PKD1L1: variants seen among roughly 807,000 people sequenced by gnomAD.
PKD1L1 encodes polycystin 1 like 1, transient receptor potential channel interacting.
A neutral mutation model predicts 323.4 loss-of-function variants in PKD1L1; 236 were observed. The observed-to-expected ratio is 0.73, with a 90% CI of 0.66 to 0.81. The LOEUF (loss-of-function observed/expected upper bound fraction) is 0.81. Ranked by LOEUF, PKD1L1 falls within the 40% of genes least tolerant of loss-of-function variation. The pLI is 0.00. For synonymous variants in PKD1L1, 1,344 were observed against 1,335.0 expected (o/e 1.01, Z -0.15); for missense variants, 3,320 against 3,508.0 (o/e 0.95, Z 1.35).
chr7:47,953,941 C>T, the PKD1L1 span, among the ~76,000 whole-genome samples: 2 of 152,216 alleles, frequency 1.3e-5, no homozygotes, highest in Non-Finnish European at 2.9e-5. Flanking sequence ...AGGGGAGGAT[C>T]CTCCCCCAGA....
chr7:47,944,065 G>T (rs907686523), intron 1 of PKD1L1, among the ~76,000 whole-genome samples: 2 of 152,210 alleles, frequency 1.3e-5, no homozygotes, highest in African/African-American at 4.8e-5. Flanking sequence ...GACTTGAGAG[G>T]TTCCGTGCAG....
In PKD1L1 at chr7:47,905,958, A is replaced by G. The variant is rs772126129; in HGVS notation, c.1407T>C (p.Thr469=). 2.5e-6 allele frequency: 4 copies of G among 1,593,142 alleles called. No individual in the cohort carries two copies. The highest frequency in any genetic ancestry group is 3.4e-6 in the Non-Finnish European group (4 of 1,173,434). Residue 469 remains threonine (T), a synonymous_variant, in exon 10 of 57, where the codon ACT becomes ACC. Coordinates refer to ENST00000289672, the MANE Select transcript of PKD1L1 (RefSeq NM_138295.5). ...TAGATGGAAAGTGATGTATAACCAC[A>G]GTGCCTAAAATGAGAAAAAAAGGAG... ...FADSQVNQKS[T]VVIHHFPSIP... is the part of the protein sequence containing the mutation.
chr7:47,815,592 T>C (rs1015569082), intron 46 of PKD1L1, 135 bp from the exon 47 acceptor site: 1 of 1,033,616 alleles, frequency 9.7e-7, no homozygotes, highest in South Asian at 1.6e-5. Context: ...AAACTCAAGC[T>C]GCTTGCAGCG....
Position 47,830,068 on chromosome 7 carries a change from C to T in PKD1L1, c.6530G>A (p.Cys2177Tyr). ...AAGTGGCTGGGTGATGAAAATACAG[C>T]AGACCACGGAGAGGGACAGCAGGTG... ...WLHLLSLSVV[C>Y]CIFITQPLMV... Residue 2177 changes from cysteine to tyrosine, a missense_variant, in exon 43 of 57, where the codon TGC (cysteine) becomes TAC (tyrosine). Transcript: ENST00000289672. 6.2e-7 allele frequency: 1 copy of T among 1,614,204 alleles called. No individual in the cohort carries two copies. The highest frequency in any genetic ancestry group is 8.5e-7 in the Non-Finnish European group (1 of 1,180,042).
In PKD1L1 at chr7:47,804,750, G is replaced by A. The variant is rs191736594; in HGVS notation, c.7828-1406C>T. Among the ~76,000 whole-genome samples, 25 of 152,248 alleles carry A rather than the reference G, an allele frequency of 1.6e-4. No homozygotes were observed. In the East Asian group the frequency reaches 3.9e-3, roughly 23 times the overall value. On this transcript the variant is annotated intron_variant, in intron 52 of 56. Transcript: ENST00000289672. ...TCTGTCAGCCTTGGCCTCCCAAAAT[G>A]CTAGGATTATAGGCGTGAGCCACCA...
intron 34 of PKD1L1, among the ~76,000 whole-genome samples, chr7:47,841,418 T>C (rs1183145075): frequency 6.6e-6 from 1 of 152,208 alleles, no homozygotes; most frequent in East Asian, 1.9e-4. Flanking sequence ...GGCCCCTGCC[T>C]TGTTCTTCTC....
At position 47,932,050 on chromosome 7, in the gene PKD1L1, G is replaced by T; in HGVS notation, c.405C>A (p.Pro135=). The change falls in exon 5 of 57, where the codon CCC becomes CCA. Residue 135 remains proline, a synonymous_variant. Transcript: ENST00000289672. Reference sequence around the variant, plus strand: ...TTGCGATTATAATGAAAGGTTTGTGGGGAATTCTGTATGGGAAGGAAAGTG... The same window carrying T: ...TTGCGATTATAATGAAAGGTTTGTGTGGAATTCTGTATGGGAAGGAAAGTG... ...LDCDNSADRI[P]HKPFIIIARA... is the part of the protein sequence containing the mutation. 6.2e-7 allele frequency: 1 copy of T among 1,608,768 alleles called. No individual in the cohort carries two copies. The highest frequency in any genetic ancestry group is 8.5e-7 in the Non-Finnish European group (1 of 1,177,566).
At chr7:47,861,626 T>C (rs190318068) in intron 26 of PKD1L1, among the ~76,000 whole-genome samples, 4 of 152,266 alleles carry the variant, frequency 2.6e-5, no homozygotes, top group East Asian at 3.9e-4. Context: ...CTCACGCCTG[T>C]AATCCCAGCA....
In PKD1L1 at chr7:47,888,169, C is replaced by T. The variant is rs75186400; in HGVS notation, c.2676-19G>A. The T allele has an allele frequency of 1.9e-6, 3 of 1,600,340 alleles. No individual in the cohort carries two copies. The African/African-American group carries it at 4.1e-5, about 22-fold the overall frequency. ...GACGAATCTGAAATATATAAATTGG[C>T]TTGAGATCTTAGGAAAATAATGTGA... On this transcript the variant is annotated intron_variant, in intron 16 of 56. Coordinates refer to ENST00000289672, the MANE Select transcript of PKD1L1 (RefSeq NM_138295.5).
intron 56 of PKD1L1, among the ~76,000 whole-genome samples, chr7:47,781,387 GTTTTTT>G (rs200570381): frequency 9.9e-5 from 12 of 121,700 alleles, no homozygotes; most frequent in African/African-American, 3.0e-4. Flanking sequence ...AGAACAAAAG[GTTTTTT>G]TTTTTGTTTT....
intron 1 of PKD1L1, among the ~76,000 whole-genome samples, chr7:47,945,570 G>T (rs1319001914): frequency 6.6e-6 from 1 of 151,918 alleles, no homozygotes; most frequent in Non-Finnish European, 1.5e-5. Flanking sequence ...CCAGAGAAAT[G>T]AAAAAATAAA....
chr7:47,920,324 T>C (rs995899615), intron 7 of PKD1L1, among the ~76,000 whole-genome samples: 1 of 142,776 alleles, frequency 7.0e-6, no homozygotes, highest in South Asian at 2.2e-4. Flanking sequence ...CTTAGGAATA[T>C]ACCTAACCAA....
Position 47,897,976 on chromosome 7 carries a change from C to G in PKD1L1, c.2271+12G>C. On this transcript the variant is annotated intron_variant, in intron 14 of 56. Coordinates refer to ENST00000289672, the MANE Select transcript of PKD1L1 (RefSeq NM_138295.5). ...TCATTGGGCCAGTAGAGCAGTAAGT[C>G]AGCCAGCTGACCTTGGCAAGGGCAG... is the stretch of plus-strand genomic sequence containing the variant. 1.9e-6 allele frequency: 3 copies of G among 1,591,296 alleles called. No homozygotes were observed. The highest frequency in any genetic ancestry group is 2.6e-6 in the Non-Finnish European group (3 of 1,167,726).
chr7:47,881,828 A>G, intron 20 of PKD1L1, 81 bp downstream of exon 20: 2 of 1,395,894 alleles, frequency 1.4e-6, no homozygotes, highest in Non-Finnish European at 1.9e-6. Flanking sequence ...GTAAAACGAA[A>G]AGTTCAGAAG....
chr7:47,882,573 C>G (rs776312466), intron 19 of PKD1L1, among the ~76,000 whole-genome samples: 3 of 151,888 alleles, frequency 2.0e-5, no homozygotes, highest in Non-Finnish European at 4.4e-5. Flanking sequence ...CAGGGAGGTC[C>G]TCTCTGAAGA....
rs562839032 is a variant in PKD1L1 at position 47,775,944 on chromosome 7, TAAC to T, written c.8527-781_8527-779del. 9.7e-4 allele frequency among the ~76,000 whole-genome samples: 148 copies of T among 152,048 alleles called. 1 individual carries two copies. Among genetic ancestry groups the T allele is most frequent in the Middle Eastern group, 3.4e-3 (1 of 294 alleles). Reference sequence around the variant, plus strand: ...AAGACACAAATATGTTGTCTTTGAATAACAACAACAACAAAGACACAAATTGCC... The same window carrying T: ...AAGACACAAATATGTTGTCTTTGAATAACAACAACAAAGACACAAATTGCC... On this transcript the variant is annotated intron_variant, in intron 56 of 56. Coordinates refer to ENST00000289672, the MANE Select transcript of PKD1L1 (RefSeq NM_138295.5).
intron 44 of PKD1L1, among the ~76,000 whole-genome samples, chr7:47,828,302 G>A (rs894238913): frequency 6.6e-6 from 1 of 152,094 alleles, no homozygotes; most frequent in Non-Finnish European, 1.5e-5. Context: ...TCACCTCTGA[G>A]GTTGGGATGA....
intron 25 of PKD1L1, 40 bp from the exon 26 acceptor site, chr7:47,865,312 A>G (rs750181844): frequency 1.3e-6 from 2 of 1,552,304 alleles, no homozygotes; most frequent in East Asian, 2.3e-5. Context: ...AAGAAAATGC[A>G]AGGAGAGGGA....
At chr7:47,956,302 C>T in the PKD1L1 span, among the ~76,000 whole-genome samples, 29 of 152,322 alleles carry the variant, frequency 1.9e-4, no homozygotes, top group Non-Finnish European at 3.7e-4. Context: ...ATTCACCTTC[C>T]GCACCATTCT....
Sources: allele counts gnomAD v4.1 joint callset (sites outside exome capture counted in the v4.1 genomes callset), GRCh38; gene constraint gnomAD v4.1.1; transcripts MANE v1.5; gene names NCBI Gene and HGNC (gene_info 2026-07-23, HGNC 2026-07-21).